The following CA10 variants were observed in gnomAD, a reference collection of about 807,000 sequenced individuals.
CA10 encodes the protein carbonic anhydrase-related protein 10.
In CA10, 14 loss-of-function variants were observed where a neutral mutation model predicts 44.2. That is an observed-to-expected ratio of 0.32 (90% CI 0.21 to 0.50). The LOEUF (loss-of-function observed/expected upper bound fraction) is 0.50. Ranked by LOEUF, CA10 falls within the 20% of genes least tolerant of loss-of-function variation. The pLI is 0.99. For synonymous variants in CA10, 159 were observed against 141.6 expected, an observed-to-expected ratio of 1.12 and a Z score of -0.87; for missense variants, 350 against 409.7, an observed-to-expected ratio of 0.85 and a Z score of 1.26.
chr17:51,900,415 C>A (rs1236738035), intron 3 of CA10, among the ~76,000 whole-genome samples: 1 of 152,232 alleles, frequency 6.6e-6, no homozygotes, highest in East Asian at 1.9e-4. Flanking sequence ...TGATGGGGTT[C>A]TCTTTGTAGG....
At chr17:51,642,371 C>A (rs1008349394) in intron 6 of CA10, among the ~76,000 whole-genome samples, 1 of 152,166 alleles carries the variant, frequency 6.6e-6, no homozygotes, top group Non-Finnish European at 1.5e-5. Context: ...TGAGGAGCGG[C>A]GCATAAAACA....
intron 2 of CA10, among the ~76,000 whole-genome samples, chr17:52,063,306 C>G (rs538645448): frequency 6.6e-6 from 1 of 152,104 alleles, no homozygotes; most frequent in African/African-American, 2.4e-5. Context: ...GGATTTGGGA[C>G]TTTTGAGTAG....
chr17:51,919,808 C>T (rs1456265989), intron 3 of CA10, among the ~76,000 whole-genome samples: 1 of 152,124 alleles, frequency 6.6e-6, no homozygotes, highest in Non-Finnish European at 1.5e-5. Context: ...CGCACCACCA[C>T]ACCTGGCTAA....
chr17:51,903,266 C>T (rs1190717922), intron 3 of CA10, among the ~76,000 whole-genome samples: 1 of 152,074 alleles, frequency 6.6e-6, no homozygotes, highest in Non-Finnish European at 1.5e-5. Context: ...TTTTGTATTT[C>T]CTCCAAGGCT....
chr17:52,017,690 C>T (rs186137277), intron 2 of CA10, among the ~76,000 whole-genome samples: 1 of 152,124 alleles, frequency 6.6e-6, no homozygotes, highest in Admixed American at 6.5e-5. Flanking sequence ...TACAGCCTGG[C>T]CACATAGTAG....
intron 4 of CA10, among the ~76,000 whole-genome samples, chr17:51,706,568 C>T (rs542839935): frequency 3.9e-5 from 6 of 152,220 alleles, no homozygotes; most frequent in Admixed American, 6.5e-5. Flanking sequence ...GCCTTTGCCC[C>T]CTATGGTCTT....
chr17:52,127,696 C>G (rs1253270099), intron 1 of CA10, among the ~76,000 whole-genome samples: 1 of 152,190 alleles, frequency 6.6e-6, no homozygotes, highest in Non-Finnish European at 1.5e-5. Flanking sequence ...AGGATCTCAG[C>G]TGGCAATGGT....
intron 2 of CA10, among the ~76,000 whole-genome samples, chr17:52,060,858 G>A (rs945785615): frequency 2.0e-5 from 3 of 152,194 alleles, no homozygotes; most frequent in Non-Finnish European, 4.4e-5. Context: ...CTTCTACGTT[G>A]ACCTGCATTG....
intron 5 of CA10, among the ~76,000 whole-genome samples, chr17:51,650,201 A>G (rs2143272052): frequency 6.6e-6 from 1 of 152,268 alleles, no homozygotes; most frequent in South Asian, 2.1e-4. Context: ...CCTACATAAG[A>G]AAAGGGTTTT....
intron 3 of CA10, among the ~76,000 whole-genome samples, chr17:51,772,402 C>T (rs536006188): frequency 3.7e-4 from 56 of 151,816 alleles, no homozygotes; most frequent in African/African-American, 1.0e-3. Context: ...CTGAATGATA[C>T]GAAGCAAAAA....
At chr17:52,034,497 AAG>A (rs1287679638) in intron 2 of CA10, among the ~76,000 whole-genome samples, 1 of 152,178 alleles carries the variant, frequency 6.6e-6, no homozygotes, top group East Asian at 1.9e-4. Context: ...TATTTCTTAA[AAG>A]AGAAGAGGGA....
intron 2 of CA10, among the ~76,000 whole-genome samples, chr17:51,965,295 C>A (rs938970129): frequency 6.6e-6 from 1 of 151,774 alleles, no homozygotes; most frequent in African/African-American, 2.4e-5. Context: ...CTAAATTCTA[C>A]CCGACAAAGA....
chr17:52,120,299 A>G (rs1461628439), intron 1 of CA10, among the ~76,000 whole-genome samples: 1 of 152,106 alleles, frequency 6.6e-6, no homozygotes. Flanking sequence ...GCCTTTGATG[A>G]TCACCCCTTT....
intron 3 of CA10, among the ~76,000 whole-genome samples, chr17:51,920,114 T>G (rs906705088): frequency 3.9e-5 from 6 of 152,170 alleles, no homozygotes; most frequent in Non-Finnish European, 8.8e-5. Context: ...TTCTATAATT[T>G]TTAATAAAAA....
chr17:52,140,673 G>A (rs550897492), intron 1 of CA10, among the ~76,000 whole-genome samples: 12 of 152,266 alleles, frequency 7.9e-5, no homozygotes, highest in East Asian at 5.8e-4. Context: ...GTTACGCAGC[G>A]TTATGAAATC....
intron 2 of CA10, among the ~76,000 whole-genome samples, chr17:51,978,571 A>T (rs186128093): frequency 7.6e-4 from 115 of 152,256 alleles, no homozygotes; most frequent in Middle Eastern, 3.4e-3. Context: ...GATAACTAAA[A>T]CTATAAAAAG....
At position 51,698,379 on chromosome 17, in the gene CA10, C is replaced by T. The variant is rs1050494029; in HGVS notation, c.466-44643G>A. On this transcript the variant is annotated intron_variant, in intron 4 of 8. Transcript: ENST00000451037. ...CCAGTATCTGACAAAGAGATGCCAT[C>T]GTGCCCTTAATGTTCTTGTCTCCCT... is the stretch of plus-strand genomic sequence containing the variant. Among the ~76,000 whole-genome samples the T allele has an allele frequency of 3.3e-5, 5 of 152,160 alleles. No homozygotes were observed. In the East Asian group the frequency reaches 5.8e-4, roughly 18 times the overall value.
At chr17:51,681,162 T>C (rs1914832940) in intron 4 of CA10, among the ~76,000 whole-genome samples, 2 of 152,190 alleles carry the variant, frequency 1.3e-5, no homozygotes, top group Non-Finnish European at 2.9e-5. Context: ...CTGGGAAACC[T>C]GGATAAGTTA....
At chr17:51,835,083 T>C (rs1908426260) in intron 3 of CA10, among the ~76,000 whole-genome samples, 1 of 152,198 alleles carries the variant, frequency 6.6e-6, no homozygotes, top group South Asian at 2.1e-4. Flanking sequence ...CAATCTGACC[T>C]TGTGCCCCGG....
Sources: allele counts gnomAD v4.1 joint callset (sites outside exome capture counted in the v4.1 genomes callset), GRCh38; gene constraint gnomAD v4.1.1; transcripts MANE v1.5; gene names NCBI Gene and HGNC (gene_info 2026-07-23, HGNC 2026-07-21).